STARD8: variants seen among roughly 807,000 people sequenced by gnomAD.
STARD8 encodes StAR related lipid transfer domain containing 8.
STARD8 carries 25 observed loss-of-function variants against 69.4 expected under a neutral mutation model. That is an observed-to-expected ratio of 0.36 (90% CI 0.26 to 0.50). The LOEUF (loss-of-function observed/expected upper bound fraction) is 0.50, where lower values mean the gene tolerates loss of function less well. STARD8 is among the 20% of genes least tolerant of loss of function. STARD8 has a pLI of 0.96. For missense variants in STARD8, 921 were observed against 932.5 expected (o/e 0.99, Z 0.16); for synonymous variants, 389 against 374.6 (o/e 1.04, Z -0.45).
At chrX:68,674,041 C>G (rs2079747092) in intron 2 of STARD8, among the ~76,000 whole-genome samples, 1 of 111,422 alleles carries the variant, frequency 9.0e-6, no homozygotes, top group African/African-American at 3.3e-5. Context: ...CACCTGTAAT[C>G]CCAGCACTTT....
intron 2 of STARD8, among the ~76,000 whole-genome samples, chrX:68,690,664 T>C (rs2079870832): frequency 8.9e-6 from 1 of 112,162 alleles, no homozygotes; most frequent in Non-Finnish European, 1.9e-5. Flanking sequence ...ACCCAGTGGG[T>C]ATTATACTCT....
intron 2 of STARD8, among the ~76,000 whole-genome samples, chrX:68,698,839 G>A (rs1487314440): frequency 9.0e-6 from 1 of 111,381 alleles, no homozygotes; most frequent in African/African-American, 3.3e-5. Flanking sequence ...GGCAGACTCA[G>A]TGGTCTGTGA....
At chrX:68,653,354 C>CA (rs2079584147) in intron 1 of STARD8, among the ~76,000 whole-genome samples, 1 of 49,158 alleles carries the variant, frequency 2.0e-5, no homozygotes, top group Non-Finnish European at 3.8e-5. Flanking sequence ...ACACACCCCA[C>CA]ACACACCCCC....
chrX:68,707,642 G>A (rs1303343610), intron 2 of STARD8, among the ~76,000 whole-genome samples: 2 of 111,792 alleles, frequency 1.8e-5, no homozygotes, highest in Non-Finnish European at 3.8e-5. Context: ...AGAGGTGAGG[G>A]AGGAATGGGA....
intron 1 of STARD8, among the ~76,000 whole-genome samples, chrX:68,656,993 A>G (rs1208087810): frequency 2.7e-5 from 3 of 111,765 alleles, no homozygotes; most frequent in Non-Finnish European, 5.6e-5. Context: ...GTACCCTAGA[A>G]CTTAAAAGTA....
intron 2 of STARD8, among the ~76,000 whole-genome samples, chrX:68,678,446 A>C (rs2079780956): frequency 8.9e-6 from 1 of 111,864 alleles, no homozygotes; most frequent in African/African-American, 3.3e-5. Flanking sequence ...AAACACAGCA[A>C]ATCAGTAGAG....
intron 14 of STARD8, 90 bp downstream of exon 14, chrX:68,724,211 C>T (rs968422275): frequency 6.0e-6 from 7 of 1,174,008 alleles, no homozygotes; most frequent in Non-Finnish European, 8.1e-6. Flanking sequence ...GCTATTGATC[C>T]CTGGGGCTGG....
chrX:68,687,540 G>A (rs1178273905), intron 2 of STARD8, among the ~76,000 whole-genome samples: 1 of 111,453 alleles, frequency 9.0e-6, no homozygotes, highest in Admixed American at 9.5e-5. Flanking sequence ...AAACTGGGTT[G>A]GGTTTCTCAC....
intron 2 of STARD8, among the ~76,000 whole-genome samples, chrX:68,712,002 T>A (rs188957660): frequency 8.9e-6 from 1 of 112,805 alleles, no homozygotes; most frequent in African/African-American, 3.2e-5. Flanking sequence ...AGGGCTTTGC[T>A]GCTGGTATTT....
At chrX:68,713,160 A>G (rs375170291) in intron 3 of STARD8, among the ~76,000 whole-genome samples, 175 bp downstream of exon 3, 146 of 111,616 alleles carry the variant, frequency 1.3e-3, no homozygotes, top group African/African-American at 4.5e-3. Context: ...CTCCTGCATC[A>G]TCTCTAAGGG....
intron 2 of STARD8, among the ~76,000 whole-genome samples, chrX:68,695,263 G>A (rs756386811): frequency 3.6e-5 from 4 of 111,087 alleles, no homozygotes; most frequent in Non-Finnish European, 7.5e-5. Context: ...AGAGTGTGAT[G>A]GGAAGGGTGG....
Position 68,713,476 on chromosome X carries a change from G to A in STARD8, c.151+491G>A, listed in dbSNP as rs141637972. Among the ~76,000 whole-genome samples, 500 of 110,839 alleles carry A rather than the reference G, an allele frequency of 4.5e-3. 3 individuals are homozygous for A. Among genetic ancestry groups the A allele is most frequent in the African/African-American group, 0.016 (474 of 30,437 alleles). On this transcript the variant is annotated intron_variant, in intron 3 of 14. Transcript: ENST00000374599. Reference sequence around the variant, plus strand: ...TGCACCCTGGCTTCACCTCCACCTCGCCTGGTCAACTTGCCTGGTCAATTC... The same window carrying A: ...TGCACCCTGGCTTCACCTCCACCTCACCTGGTCAACTTGCCTGGTCAATTC...
chrX:68,703,688 G>A (rs2079983582), intron 2 of STARD8, among the ~76,000 whole-genome samples: 1 of 112,312 alleles, frequency 8.9e-6, no homozygotes, highest in African/African-American at 3.2e-5. Flanking sequence ...GGAAAGGGAA[G>A]TAGGCAAGGG....
chrX:68,724,733 A>C lies in STARD8; in HGVS notation c.*311A>C. 3 of 222,196 alleles carry C rather than the reference A, an allele frequency of 1.4e-5. No homozygotes were observed. The highest frequency in any genetic ancestry group is 2.4e-5 in the Non-Finnish European group (3 of 124,153). The allele number at this position is 222,196 out of a possible 1,213,427, so 18.3% of individuals were successfully genotyped here. A position where few individuals can be genotyped will look rare whatever the true frequency, so the allele number is the denominator to read the frequency against. ...CCTGCTTGTGAGGCCGCCACTTGGC[A>C]TGAAGCCTCCACAGCTCCCCGCCTG... On this transcript the variant is annotated 3_prime_UTR_variant, in exon 15 of 15. Transcript: ENST00000374599.
intron 1 of STARD8, among the ~76,000 whole-genome samples, chrX:68,650,042 T>C (rs931977897): frequency 2.7e-5 from 3 of 111,261 alleles, no homozygotes; most frequent in Non-Finnish European, 5.7e-5. Context: ...TCTAGGTGCT[T>C]GGCATGGATT....
chrX:68,651,879 C>T (rs888325385), intron 1 of STARD8, among the ~76,000 whole-genome samples: 2 of 104,458 alleles, frequency 1.9e-5, no homozygotes, highest in East Asian at 6.0e-4. Context: ...TTTTTTTGAC[C>T]GAGTCTCGCT....
At chrX:68,701,434 A>G (rs1179487887) in intron 2 of STARD8, among the ~76,000 whole-genome samples, 1 of 112,636 alleles carries the variant, frequency 8.9e-6, no homozygotes, top group Non-Finnish European at 1.9e-5. Context: ...CCAGGAGGCA[A>G]GAGCTGAGGT....
intron 2 of STARD8, among the ~76,000 whole-genome samples, chrX:68,711,222 G>GCACACACACACACACACACA (rs60571538): frequency 3.9e-5 from 4 of 101,826 alleles, no homozygotes; most frequent in African/African-American, 1.5e-4. Context: ...ATGTATGCAT[G>GCACACACACACACACACACA]CACACACACA....
intron 2 of STARD8, among the ~76,000 whole-genome samples, chrX:68,685,607 A>G (rs1435672633): frequency 1.8e-5 from 2 of 112,718 alleles, no homozygotes; most frequent in African/African-American, 6.5e-5. Context: ...AATGAAGTCT[A>G]TACTCCGTGC....
Sources: gnomAD v4.1 joint callset for allele counts (sites outside exome capture counted in the v4.1 genomes callset) on GRCh38, gnomAD v4.1.1 for gene constraint, MANE v1.5 for transcripts, NCBI Gene and HGNC (gene_info 2026-07-23, HGNC 2026-07-21) for gene names.